Variants in LRP1B observed in about 807,000 individuals in gnomAD.
LRP1B encodes low-density lipoprotein receptor-related protein 1B.
LRP1B carries 217 observed loss-of-function variants against 556.6 expected under a neutral mutation model. The ratio of observed to expected loss-of-function variants is 0.39; its 90% CI spans 0.35 to 0.44. LRP1B has a LOEUF of 0.44. LRP1B is among the 20% of genes least tolerant of loss of function. LRP1B has a pLI of 1.00. For synonymous variants in LRP1B, 2,047 were observed against 1,865.8 expected, an observed-to-expected ratio of 1.10 and a Z score of -2.50; for missense variants, 5,053 against 5,620.8, an observed-to-expected ratio of 0.90 and a Z score of 3.23.
At chr2:141,823,214 G>A (rs1696811539) in intron 1 of LRP1B, among the ~76,000 whole-genome samples, 1 of 151,954 alleles carries the variant, frequency 6.6e-6, no homozygotes, top group Admixed American at 6.6e-5. Context: ...CCTGGGAAGT[G>A]GTTTCCTTTC....
chr2:140,624,367 T>C (rs1683575471), intron 41 of LRP1B, among the ~76,000 whole-genome samples: 1 of 152,168 alleles, frequency 6.6e-6, no homozygotes. Flanking sequence ...CATCGAACTG[T>C]AGCACCACTC....
At chr2:141,753,787 T>G (rs538998878) in intron 2 of LRP1B, among the ~76,000 whole-genome samples, 1 of 152,212 alleles carries the variant, frequency 6.6e-6, no homozygotes, top group South Asian at 2.1e-4. Context: ...TTACACTATA[T>G]AAAATCACCC....
intron 25 of LRP1B, among the ~76,000 whole-genome samples, chr2:140,874,480 A>G (rs1313181405): frequency 1.3e-5 from 2 of 152,140 alleles, no homozygotes; most frequent in African/African-American, 4.8e-5. Context: ...TTTTCTTCCA[A>G]AATAATATTC....
At position 140,985,498 on chromosome 2, in the gene LRP1B, C is replaced by T. The variant is rs12611492; in HGVS notation, c.2771-3222G>A. On this transcript the variant is annotated intron_variant, in intron 17 of 90. Transcript: ENST00000389484. ...TCTAGGCTTGAATATAAGGAATGATCATGTTACTACGAGGAAACATAATTT... is the reference window on the plus strand; with the variant it reads ...TCTAGGCTTGAATATAAGGAATGATTATGTTACTACGAGGAAACATAATTT... 2.1e-3 allele frequency among the ~76,000 whole-genome samples: 323 copies of T among 151,640 alleles called. 10 individuals are homozygous for T. In the East Asian group the frequency reaches 0.047, roughly 22 times the overall value.
chr2:142,121,003 A>G (rs1288525061), intron 1 of LRP1B, among the ~76,000 whole-genome samples: 1 of 152,200 alleles, frequency 6.6e-6, no homozygotes, highest in African/African-American at 2.4e-5. Flanking sequence ...ATAGCCTGAA[A>G]TAATTTATTA....
intron 2 of LRP1B, among the ~76,000 whole-genome samples, chr2:141,548,168 A>G (rs1685619266): frequency 6.6e-6 from 1 of 152,178 alleles, no homozygotes; most frequent in Non-Finnish European, 1.5e-5. Flanking sequence ...CAATTTCCTC[A>G]TCTATACAAC....
intron 3 of LRP1B, among the ~76,000 whole-genome samples, chr2:141,472,458 TG>T: frequency 6.6e-6 from 1 of 152,238 alleles, no homozygotes; most frequent in African/African-American, 2.4e-5. Context: ...GAGAATCACT[TG>T]AACCCCGGAG....
At chr2:141,519,359 TGATATATATATATATATATA>T (rs1559118049) in intron 2 of LRP1B, among the ~76,000 whole-genome samples, 11 of 57,328 alleles carry the variant, frequency 1.9e-4, no homozygotes, top group African/African-American at 6.8e-4. Flanking sequence ...CTTAAGTCAA[TGATATATATATATATATATA>T]TATATATATA....
At chr2:140,530,424 T>C (rs965203103) in intron 47 of LRP1B, among the ~76,000 whole-genome samples, 7 of 152,056 alleles carry the variant, frequency 4.6e-5, no homozygotes, top group African/African-American at 1.7e-4. Flanking sequence ...AAGGGAGATA[T>C]TTGGTGGAAA....
chr2:141,937,693 G>T (rs990139409), intron 1 of LRP1B, among the ~76,000 whole-genome samples: 19 of 151,542 alleles, frequency 1.3e-4, no homozygotes, highest in Non-Finnish European at 1.8e-4. Context: ...CTTTTAGTTT[G>T]ATGTAGCCCC....
chr2:140,437,441 T>A (rs561471176), intron 66 of LRP1B, among the ~76,000 whole-genome samples: 1 of 152,330 alleles, frequency 6.6e-6, no homozygotes, highest in South Asian at 2.1e-4. Context: ...GATGTTCAGA[T>A]AATCTGTTTG....
intron 83 of LRP1B, among the ~76,000 whole-genome samples, chr2:140,309,925 T>G (rs916151322): frequency 8.4e-6 from 1 of 118,488 alleles, no homozygotes; most frequent in Non-Finnish European, 1.9e-5. Flanking sequence ...CTTCTAAATT[T>G]TGTTTTTTTA....
intron 84 of LRP1B, among the ~76,000 whole-genome samples, chr2:140,285,392 T>TAC (rs1430582446): frequency 6.0e-4 from 91 of 150,654 alleles, no homozygotes; most frequent in African/African-American, 2.2e-3. Flanking sequence ...CATATATATA[T>TAC]ATACACACAG....
At chr2:140,241,751 A>G (rs961485219) in intron 87 of LRP1B, among the ~76,000 whole-genome samples, 1 of 150,802 alleles carries the variant, frequency 6.6e-6, no homozygotes, top group African/African-American at 2.4e-5. Context: ...TGCTGGAAAC[A>G]CAGGTATTTT....
intron 14 of LRP1B, among the ~76,000 whole-genome samples, chr2:141,008,418 TATA>T (rs977060086): frequency 3.2e-4 from 48 of 151,042 alleles, no homozygotes; most frequent in Non-Finnish European, 8.9e-5. Flanking sequence ...TTCTAATCAT[TATA>T]ATTATTTATA....
At chr2:141,467,104 ATATATATATATATATATATC>A (rs1489992606) in intron 3 of LRP1B, among the ~76,000 whole-genome samples, 1,591 of 5,654 alleles carry the variant, frequency 0.28, 67 homozygotes, top group South Asian at 0.41. Flanking sequence ...ATATATGTGT[ATATATATATATATATATATC>A]TATATATATA....
At chr2:141,533,851 C>T (rs1473919896) in intron 2 of LRP1B, among the ~76,000 whole-genome samples, 2 of 152,090 alleles carry the variant, frequency 1.3e-5, no homozygotes, top group Non-Finnish European at 2.9e-5. Context: ...TACCATTTGC[C>T]AAGTAAACAG....
At chr2:141,011,201 A>AG (rs1232546573) in intron 14 of LRP1B, among the ~76,000 whole-genome samples, 2 of 118,642 alleles carry the variant, frequency 1.7e-5, no homozygotes, top group East Asian at 3.2e-4. Context: ...TTTTATCCAT[A>AG]GGGAAAAAAA....
At chr2:141,290,536 G>A (rs1685902276) in intron 3 of LRP1B, among the ~76,000 whole-genome samples, 1 of 152,100 alleles carries the variant, frequency 6.6e-6, no homozygotes, top group Non-Finnish European at 1.5e-5. Flanking sequence ...GTCAAGCAGT[G>A]CGTAAAGTTA....
Sources: gnomAD v4.1 joint callset for allele counts (sites outside exome capture counted in the v4.1 genomes callset) on GRCh38, gnomAD v4.1.1 for gene constraint, MANE v1.5 for transcripts, NCBI Gene and HGNC (gene_info 2026-07-23, HGNC 2026-07-21) for gene names.